The following MYO5B variants were observed in gnomAD, a reference collection of about 807,000 sequenced individuals.
MYO5B encodes myosin VB.
In MYO5B, 143 loss-of-function variants were observed where a neutral mutation model predicts 229.3. The observed-to-expected ratio is 0.62, with a 90% CI of 0.54 to 0.72. MYO5B has a LOEUF of 0.72. Ranked by LOEUF, MYO5B falls within the 30% of genes least tolerant of loss-of-function variation. MYO5B has a pLI of 0.00. For synonymous variants in MYO5B, 918 were observed against 885.2 expected (o/e 1.04, Z -0.66); for missense variants, 2,321 against 2,331.0 (o/e 1.00, Z 0.09).
intron 2 of MYO5B, among the ~76,000 whole-genome samples, chr18:50,047,243 G>T (rs1355782743): frequency 6.8e-6 from 1 of 147,344 alleles, no homozygotes; most frequent in Non-Finnish European, 1.5e-5. Context: ...AAATTTACAA[G>T]AAAAAAACAA....
intron 17 of MYO5B, among the ~76,000 whole-genome samples, chr18:49,916,416 A>T (rs2025014914): frequency 1.3e-5 from 2 of 152,198 alleles, no homozygotes; most frequent in Non-Finnish European, 2.9e-5. Context: ...CTACCTGTAC[A>T]GTGGAGAGAA....
At chr18:50,130,554 T>G (rs1445485603) in intron 1 of MYO5B, among the ~76,000 whole-genome samples, 2 of 152,172 alleles carry the variant, frequency 1.3e-5, no homozygotes, top group African/African-American at 4.8e-5. Flanking sequence ...ACAAGAAGAA[T>G]GAGAACGAGC....
intron 1 of MYO5B, among the ~76,000 whole-genome samples, chr18:50,101,685 G>A (rs2031657811): frequency 6.6e-6 from 1 of 152,142 alleles, no homozygotes; most frequent in Non-Finnish European, 1.5e-5. Flanking sequence ...AAACCACAAT[G>A]AGATACCATC....
chr18:50,077,374 G>A (rs750690213), intron 1 of MYO5B, among the ~76,000 whole-genome samples: 11 of 151,864 alleles, frequency 7.2e-5, no homozygotes, highest in Admixed American at 4.6e-4. Context: ...ATTACAACTC[G>A]GAAGTCCCTT....
At position 49,839,424 on chromosome 18, in the gene MYO5B, G is replaced by C. The variant is rs1471941498; in HGVS notation, c.4702-130C>G. 8.0e-6 allele frequency: 8 copies of C among 1,000,326 alleles called. No homozygotes were observed. In the East Asian group the frequency reaches 1.7e-4, roughly 21 times the overall value. The allele number at this position is 1,000,326 out of a possible 1,614,324, so 62.0% of individuals were successfully genotyped here. A position where few individuals can be genotyped will look rare whatever the true frequency, so the allele number is the denominator to read the frequency against. ...CTACTCAGGCCCTCCCTATGTAGAT[G>C]ATGTTTTACAAAAGCCTGTCAGTTC... On this transcript the variant is annotated intron_variant, in intron 35 of 39. Coordinates refer to ENST00000285039, the MANE Select transcript of MYO5B (RefSeq NM_001080467.3).
chr18:50,043,341 A>C (rs1268137842), intron 2 of MYO5B, among the ~76,000 whole-genome samples: 1 of 84,232 alleles, frequency 1.2e-5, no homozygotes, highest in African/African-American at 4.6e-5. Context: ...TTATATATTT[A>C]TATTATATAT....
chr18:49,981,120 A>T (rs113302440), intron 8 of MYO5B, among the ~76,000 whole-genome samples: 2,819 of 152,348 alleles, frequency 0.019, 88 homozygotes, highest in African/African-American at 0.065. Flanking sequence ...AGGCAGGCAC[A>T]CTGATCCCAG....
chr18:50,184,864 C>A (rs1269993086), intron 1 of MYO5B, among the ~76,000 whole-genome samples: 2 of 140,114 alleles, frequency 1.4e-5, no homozygotes, highest in Admixed American at 1.5e-4. Context: ...CATGGTGAGA[C>A]CCTATCTCTA....
At chr18:49,836,614 T>C in intron 38 of MYO5B, 97 bp downstream of exon 38, 1 of 1,408,104 alleles carries the variant, frequency 7.1e-7, no homozygotes, top group Non-Finnish European at 1.0e-6. Flanking sequence ...AGGGTGGGAG[T>C]GCAACACTAA....
intron 10 of MYO5B, among the ~76,000 whole-genome samples, chr18:49,969,129 G>C (rs2025659784): frequency 6.6e-6 from 1 of 152,196 alleles, no homozygotes; most frequent in Non-Finnish European, 1.5e-5. Flanking sequence ...CCTGAAGAAG[G>C]CATGTCCAGG....
chr18:50,071,769 G>T (rs147219801), intron 1 of MYO5B, among the ~76,000 whole-genome samples: 1 of 152,300 alleles, frequency 6.6e-6, no homozygotes, highest in African/African-American at 2.4e-5. Context: ...TGAAGCAATG[G>T]GTGTGTTAAA....
chr18:49,949,840 A>G (rs953480994), intron 14 of MYO5B, among the ~76,000 whole-genome samples: 1 of 152,220 alleles, frequency 6.6e-6, no homozygotes, highest in African/African-American at 2.4e-5. Context: ...TTTAATATGG[A>G]GTTAGAAACA....
intron 1 of MYO5B, among the ~76,000 whole-genome samples, chr18:50,156,508 T>C (rs934446778): frequency 2.0e-5 from 3 of 152,236 alleles, no homozygotes; most frequent in African/African-American, 7.2e-5. Flanking sequence ...ACAAAGCACG[T>C]GTTTGCTTCC....
At position 49,902,653 on chromosome 18, in the gene MYO5B, G is replaced by C. The variant is rs766525225; in HGVS notation, c.2752C>G (p.Arg918Gly). ...IEARSAEHLK[R>G]LNVGMENKVV... The stretch of plus-strand genomic sequence containing the variant: ...TTGTTCTCCATGCCCACGTTGAGAC[G>C]TTTCAGATGCTCTGCTGAGCGGGCC... Residue 918 changes from arginine (R) to glycine (G), a missense_variant, in exon 21 of 40, where the codon CGT becomes GGT. This residue lies in a region of MYO5B where 2,113 missense variants were observed against 2,044.7 expected (regional missense o/e 1.03). Transcript: ENST00000285039. The C allele has an allele frequency of 6.2e-7, 1 of 1,613,348 alleles. No individual in the cohort carries two copies. Among genetic ancestry groups the C allele is most frequent in the South Asian group, 1.1e-5 (1 of 91,084 alleles).
At chr18:49,879,253 G>T (rs2024560682) in intron 23 of MYO5B, 163 bp from the exon 24 acceptor site, 3 of 787,030 alleles carry the variant, frequency 3.8e-6, no homozygotes, top group Non-Finnish European at 4.3e-6. Flanking sequence ...GAGCAAAGGT[G>T]AGTCTCATTA....
intron 1 of MYO5B, among the ~76,000 whole-genome samples, chr18:50,138,127 G>A (rs6507966): frequency 0.073 from 11,172 of 152,054 alleles, 477 homozygotes; most frequent in East Asian, 0.19. Context: ...ATATATACCC[G>A]TGAACATATA....
At chr18:50,058,885 T>C (rs1165095590) in intron 1 of MYO5B, among the ~76,000 whole-genome samples, 2 of 152,150 alleles carry the variant, frequency 1.3e-5, no homozygotes, top group Non-Finnish European at 2.9e-5. Flanking sequence ...TCTGTCCTTG[T>C]ACTTACTATT....
chr18:50,144,432 A>G (rs147024157), intron 1 of MYO5B, among the ~76,000 whole-genome samples: 183 of 152,176 alleles, frequency 1.2e-3, no homozygotes, highest in African/African-American at 4.1e-3. Context: ...CCTTCACTTA[A>G]AAGAGGATAG....
chr18:50,014,350 T>C (rs542809091), intron 4 of MYO5B, among the ~76,000 whole-genome samples: 2 of 151,536 alleles, frequency 1.3e-5, no homozygotes, highest in Admixed American at 1.3e-4. Context: ...TTATTAATGA[T>C]AATGCAGTGG....
Sources: gnomAD v4.1 joint callset for allele counts (sites outside exome capture counted in the v4.1 genomes callset) on GRCh38, gnomAD v4.1.1 for gene constraint, gnomAD v4.1.1 regional missense constraint, MANE v1.5 for transcripts, NCBI Gene and HGNC (gene_info 2026-07-23, HGNC 2026-07-21) for gene names.